CNTN3: variants seen among roughly 807,000 people sequenced by gnomAD.
CNTN3 encodes contactin 3.
CNTN3 carries 60 observed loss-of-function variants against 119.1 expected under a neutral mutation model. That is an observed-to-expected ratio of 0.50 (90% CI 0.41 to 0.62). The LOEUF is 0.62. CNTN3 is among the 20% of genes least tolerant of loss of function. CNTN3 has a pLI of 0.00. For synonymous variants in CNTN3, 450 were observed against 438.7 expected, an observed-to-expected ratio of 1.03 and a Z score of -0.32; for missense variants, 1,101 against 1,242.4, an observed-to-expected ratio of 0.89 and a Z score of 1.71.
At chr3:74,601,837 C>T (rs1449184470) in intron 1 of CNTN3, among the ~76,000 whole-genome samples, 1 of 152,080 alleles carries the variant, frequency 6.6e-6, no homozygotes, top group East Asian at 1.9e-4. Flanking sequence ...GTGTGTTTGC[C>T]TCTTATCTCT....
intron 20 of CNTN3, among the ~76,000 whole-genome samples, chr3:74,268,336 G>T (rs1025538233): frequency 6.6e-6 from 1 of 152,072 alleles, no homozygotes; most frequent in African/African-American, 2.4e-5. Context: ...CATCACAATT[G>T]CCCTCAGTGT....
chr3:74,457,422 T>C (rs1702290531), intron 4 of CNTN3, among the ~76,000 whole-genome samples: 1 of 152,048 alleles, frequency 6.6e-6, no homozygotes, highest in South Asian at 2.1e-4. Flanking sequence ...GAAAATTACC[T>C]AAACTCTTTG....
At chr3:74,501,670 A>G (rs1026281926) in intron 2 of CNTN3, among the ~76,000 whole-genome samples, 1 of 152,096 alleles carries the variant, frequency 6.6e-6, no homozygotes, top group Non-Finnish European at 1.5e-5. Context: ...GCACCACGAC[A>G]TCACCACACA....
chr3:74,437,142 T>A (rs11915713), intron 4 of CNTN3, among the ~76,000 whole-genome samples: 1 of 152,096 alleles, frequency 6.6e-6, no homozygotes, highest in African/African-American at 2.4e-5. Flanking sequence ...GCTCATTTGC[T>A]AAATCAAACA....
chr3:74,558,600 T>C (rs775040257), intron 1 of CNTN3, among the ~76,000 whole-genome samples: 3 of 152,214 alleles, frequency 2.0e-5, no homozygotes, highest in Non-Finnish European at 4.4e-5. Flanking sequence ...TTTGAGTCCT[T>C]GATCCACTAT....
intron 11 of CNTN3, among the ~76,000 whole-genome samples, chr3:74,354,650 T>C (rs772136723): frequency 6.6e-6 from 1 of 152,024 alleles, no homozygotes; most frequent in Non-Finnish European, 1.5e-5. Context: ...TGTTTCTTGC[T>C]GCAGGGAGAA....
intron 18 of CNTN3, among the ~76,000 whole-genome samples, chr3:74,295,981 T>C (rs1378168896): frequency 7.2e-5 from 11 of 152,210 alleles, no homozygotes; most frequent in Non-Finnish European, 1.0e-4. Flanking sequence ...TCCTGAGAAT[T>C]TGAAACTTGG....
At chr3:74,449,575 A>G (rs989538399) in intron 4 of CNTN3, among the ~76,000 whole-genome samples, 1 of 152,118 alleles carries the variant, frequency 6.6e-6, no homozygotes, top group Non-Finnish European at 1.5e-5. Context: ...AGCACATATA[A>G]AAATAAGAAA....
At chr3:74,434,096 T>C (rs1559599497) in intron 4 of CNTN3, among the ~76,000 whole-genome samples, 1 of 152,190 alleles carries the variant, frequency 6.6e-6, no homozygotes, top group Non-Finnish European at 1.5e-5. Flanking sequence ...AACTTTCTAC[T>C]AGTGAAATTT....
chr3:74,441,137 T>G (rs1341882557), intron 4 of CNTN3, among the ~76,000 whole-genome samples: 1 of 152,180 alleles, frequency 6.6e-6, no homozygotes, highest in Non-Finnish European at 1.5e-5. Context: ...TATGTTTTAA[T>G]GTGACTCTTG....
In CNTN3 at chr3:74,470,178, G is replaced by T. The variant is rs190216062; in HGVS notation, c.358+16278C>A. 5.5e-4 allele frequency among the ~76,000 whole-genome samples: 84 copies of T among 152,176 alleles called. No individual in the cohort carries two copies. The Middle Eastern group carries it at 0.014, about 25-fold the overall frequency. ...ATTCCTGCTTTTTAGGGGCTGGAGT[G>T]GGGGGTTTTGGGGGAAATGGAGAGA... On this transcript the variant is annotated intron_variant, in intron 4 of 22. Coordinates refer to ENST00000263665, the MANE Select transcript of CNTN3 (RefSeq NM_020872.3).
chr3:74,299,406 G>T (rs1240206251), intron 17 of CNTN3, among the ~76,000 whole-genome samples: 1 of 152,112 alleles, frequency 6.6e-6, no homozygotes, highest in African/African-American at 2.4e-5. Context: ...ACAAACTCAA[G>T]CACCTGTTGG....
At chr3:74,606,933 C>CATATATAT (rs1705002264) in intron 1 of CNTN3, among the ~76,000 whole-genome samples, 1 of 152,108 alleles carries the variant, frequency 6.6e-6, no homozygotes, top group Non-Finnish European at 1.5e-5. Context: ...TAAATAGAAA[C>CATATATAT]ATGTATATCT....
intron 11 of CNTN3, among the ~76,000 whole-genome samples, chr3:74,357,309 G>T (rs1458817947): frequency 6.7e-6 from 1 of 149,236 alleles, no homozygotes; most frequent in Non-Finnish European, 1.5e-5. Flanking sequence ...AATAGAAGGA[G>T]TTTCCCTCTT....
At chr3:74,298,767 T>C (rs1439197005) in intron 17 of CNTN3, among the ~76,000 whole-genome samples, 1 of 151,224 alleles carries the variant, frequency 6.6e-6, no homozygotes, top group Non-Finnish European at 1.5e-5. Flanking sequence ...CGTGGTGGCA[T>C]GCGCCTGTAG....
At chr3:74,565,717 G>T (rs959686404) in intron 1 of CNTN3, among the ~76,000 whole-genome samples, 4 of 152,076 alleles carry the variant, frequency 2.6e-5, no homozygotes, top group Non-Finnish European at 1.5e-5. Flanking sequence ...CCTGTGCCCT[G>T]CCAAAATGTG....
chr3:74,448,373 T>C (rs1702086399), intron 4 of CNTN3, among the ~76,000 whole-genome samples: 3 of 152,176 alleles, frequency 2.0e-5, no homozygotes, highest in Non-Finnish European at 4.4e-5. Flanking sequence ...TGTCTTGGCC[T>C]AGAAAATAAA....
chr3:74,264,625 G>C (rs1176997736), intron 22 of CNTN3, 124 bp from the exon 23 acceptor site: 1 of 537,670 alleles, frequency 1.9e-6, no homozygotes, highest in Non-Finnish European at 3.2e-6. Context: ...CTCAATGTCA[G>C]AGTATTAGGA....
chr3:74,435,458 T>C (rs938638165), intron 4 of CNTN3, among the ~76,000 whole-genome samples: 1 of 152,178 alleles, frequency 6.6e-6, no homozygotes, highest in Admixed American at 6.5e-5. Flanking sequence ...ATTACAGGCA[T>C]GAGCCACCAC....
Sources: allele counts gnomAD v4.1 joint callset (sites outside exome capture counted in the v4.1 genomes callset), GRCh38; gene constraint gnomAD v4.1.1; transcripts MANE v1.5; gene names NCBI Gene and HGNC (gene_info 2026-07-23, HGNC 2026-07-21).